The following DISC1 variants were observed in gnomAD, a reference collection of about 807,000 sequenced individuals.
DISC1 encodes DISC1 scaffold protein.
A neutral mutation model predicts 84.5 loss-of-function variants in DISC1; 57 were observed. That is an observed-to-expected ratio of 0.67 (90% CI 0.55 to 0.84). The LOEUF (loss-of-function observed/expected upper bound fraction) is 0.84. Among genes scored for constraint, DISC1 ranks in the 40% least tolerant of loss-of-function variants. The probability of loss-of-function intolerance (pLI) is 0.00; values close to 1 mark genes in which losing one functional copy is unlikely to be tolerated. For synonymous variants in DISC1, 411 were observed against 415.2 expected (o/e 0.99, Z 0.12); for missense variants, 1,000 against 1,057.8 (o/e 0.95, Z 0.76).
intron 3 of DISC1, among the ~76,000 whole-genome samples, chr1:231,725,532 T>C (rs1192512222): frequency 6.6e-6 from 1 of 152,184 alleles, no homozygotes; most frequent in Admixed American, 6.5e-5. Flanking sequence ...TGCCTGTAAT[T>C]GAAAGTGGGA....
At chr1:231,775,838 G>A (rs1265857509) in intron 6 of DISC1, among the ~76,000 whole-genome samples, 1 of 151,760 alleles carries the variant, frequency 6.6e-6, no homozygotes, top group East Asian at 1.9e-4. Flanking sequence ...AGTGAGCTTG[G>A]TTCTTCTCCC....
chr1:231,876,922 A>G (rs997355256), intron 9 of DISC1, among the ~76,000 whole-genome samples: 1 of 152,148 alleles, frequency 6.6e-6, no homozygotes, highest in African/African-American at 2.4e-5. Flanking sequence ...CAGGGTGTGT[A>G]CAGGGTGCCC....
chr1:231,747,655 G>A (rs1198192576), intron 3 of DISC1, among the ~76,000 whole-genome samples: 1 of 152,082 alleles, frequency 6.6e-6, no homozygotes, highest in Non-Finnish European at 1.5e-5. Context: ...TGTTGTTTTG[G>A]TTACTACAGC....
In DISC1 at chr1:232,038,738, T is replaced by A. The variant is rs1290640535; in HGVS notation, c.*1907T>A. 1 of 152,164 alleles carries A rather than the reference T, an allele frequency of 6.6e-6. No homozygotes were observed. Among genetic ancestry groups the A allele is most frequent in the East Asian group, 1.9e-4 (1 of 5,192 alleles). 9.4% of individuals were successfully genotyped at this position (152,164 alleles called of 1,614,324 possible). A position where few individuals can be genotyped will look rare whatever the true frequency, so the allele number is the denominator to read the frequency against. On this transcript the variant is annotated 3_prime_UTR_variant, in exon 13 of 13. Coordinates refer to ENST00000439617, the MANE Select transcript of DISC1 (RefSeq NM_018662.3). ...AGCTTAATAACTACCTGCCACAGAT[T>A]GGTAAATTTAATCCAGTGGTTGTTC...
chr1:231,742,511 G>A (rs1236943122), intron 3 of DISC1, among the ~76,000 whole-genome samples: 1 of 152,108 alleles, frequency 6.6e-6, no homozygotes, highest in African/African-American at 2.4e-5. Flanking sequence ...GGTGGCTCAC[G>A]CCTGCAATCC....
intron 9 of DISC1, among the ~76,000 whole-genome samples, chr1:231,946,427 A>C (rs1558766335): frequency 6.6e-6 from 1 of 152,036 alleles, no homozygotes; most frequent in Non-Finnish European, 1.5e-5. Flanking sequence ...CATGCTAAAA[A>C]CTCTCAATAA....
chr1:231,886,587 T>A (rs192186158), intron 9 of DISC1, among the ~76,000 whole-genome samples: 1 of 152,210 alleles, frequency 6.6e-6, no homozygotes, highest in Non-Finnish European at 1.5e-5. Context: ...CAATATGTGC[T>A]TCTTCTTAAG....
chr1:231,726,951 G>A (rs558418854), intron 3 of DISC1, among the ~76,000 whole-genome samples: 1 of 152,248 alleles, frequency 6.6e-6, no homozygotes, highest in African/African-American at 2.4e-5. Context: ...AACTATTCAG[G>A]ATTATTCATT....
intron 3 of DISC1, among the ~76,000 whole-genome samples, chr1:231,713,390 A>G (rs1435371184): frequency 6.6e-6 from 1 of 152,200 alleles, no homozygotes; most frequent in Non-Finnish European, 1.5e-5. Flanking sequence ...GAACTAAAAG[A>G]AAACATGGAC....
chr1:231,833,141 A>G (rs2082367976), intron 9 of DISC1, among the ~76,000 whole-genome samples: 1 of 150,606 alleles, frequency 6.6e-6, no homozygotes, highest in South Asian at 2.1e-4. Flanking sequence ...GTCCAGGAAT[A>G]GTCAGGGAAG....
chr1:231,916,167 A>T (rs1322730553), intron 9 of DISC1, among the ~76,000 whole-genome samples: 1 of 152,196 alleles, frequency 6.6e-6, no homozygotes, highest in Non-Finnish European at 1.5e-5. Context: ...GACTTCTGCA[A>T]CTTGGGGGGC....
chr1:231,764,689 T>A (rs2076027348), intron 4 of DISC1, among the ~76,000 whole-genome samples: 1 of 152,188 alleles, frequency 6.6e-6, no homozygotes, highest in Non-Finnish European at 1.5e-5. Flanking sequence ...AAAAACCTGA[T>A]TTTTGTAGCC....
intron 11 of DISC1, among the ~76,000 whole-genome samples, chr1:232,015,861 G>A (rs186201718): frequency 1.3e-4 from 20 of 152,072 alleles, no homozygotes; most frequent in Non-Finnish European, 2.5e-4. Flanking sequence ...TCCTCCACCC[G>A]GCCCCCAGGT....
chr1:231,861,589 CAGT>C lies in DISC1; in HGVS notation c.1981+43075_1981+43077del, dbSNP rs1460841252. On this transcript the variant is annotated intron_variant, in intron 9 of 12. Transcript: ENST00000439617. Reference sequence around the variant, plus strand: ...TATTTATTTCTTTTTGATTTCACTACAGTAGCCACTATATCTTGAGTAAATTTA... The same window carrying C: ...TATTTATTTCTTTTTGATTTCACTACAGCCACTATATCTTGAGTAAATTTA... 4.0e-5 allele frequency among the ~76,000 whole-genome samples: 6 copies of C among 150,894 alleles called. No homozygotes were observed. In the East Asian group the frequency reaches 1.2e-3, roughly 30 times the overall value.
chr1:232,020,773 TTTAC>T (rs976839596), intron 11 of DISC1, among the ~76,000 whole-genome samples: 1 of 152,246 alleles, frequency 6.6e-6, no homozygotes. Context: ...GCTCCCTTTA[TTTAC>T]TTATTTATTT....
At chr1:231,823,768 G>A (rs1325441884) in intron 9 of DISC1, among the ~76,000 whole-genome samples, 1 of 152,142 alleles carries the variant, frequency 6.6e-6, no homozygotes, top group Non-Finnish European at 1.5e-5. Flanking sequence ...TTATCCGATG[G>A]TTGTGACCAA....
chr1:231,957,623 C>G (rs1659744704), intron 9 of DISC1, among the ~76,000 whole-genome samples: 1 of 152,236 alleles, frequency 6.6e-6, no homozygotes, highest in South Asian at 2.1e-4. Flanking sequence ...CTCCAGCTAG[C>G]ACAACTAAGT....
At chr1:231,938,455 C>G (rs1302803340) in intron 9 of DISC1, among the ~76,000 whole-genome samples, 2 of 152,132 alleles carry the variant, frequency 1.3e-5, no homozygotes, top group South Asian at 2.1e-4. Flanking sequence ...TGACAGCACA[C>G]AAGAAGAGGA....
intron 10 of DISC1, among the ~76,000 whole-genome samples, chr1:232,002,578 C>A (rs895344252): frequency 6.7e-6 from 1 of 148,802 alleles, no homozygotes; most frequent in Non-Finnish European, 1.5e-5. Context: ...ACACGAATCT[C>A]CAGGGAATTA....
Sources: allele counts gnomAD v4.1 joint callset (sites outside exome capture counted in the v4.1 genomes callset), GRCh38; gene constraint gnomAD v4.1.1; transcripts MANE v1.5; gene names NCBI Gene and HGNC (gene_info 2026-07-23, HGNC 2026-07-21).